The following SPRED2 variants were observed in gnomAD, a reference collection of about 807,000 sequenced individuals.
SPRED2 encodes the protein sprouty-related, EVH1 domain-containing protein 2.
A neutral mutation model predicts 43.0 loss-of-function variants in SPRED2; 47 were observed. That is an observed-to-expected ratio of 1.09 (90% CI 0.87 to 1.40). SPRED2 has a LOEUF of 1.40. Ranked by LOEUF, SPRED2 falls within the 40% of genes most tolerant of loss-of-function variation. The pLI is 0.00. For missense variants in SPRED2, 561 were observed against 586.4 expected (o/e 0.96, Z 0.45); for synonymous variants, 225 against 225.7 (o/e 1.00, Z 0.03).
chr2:65,369,086 T>A (rs1399710123), intron 1 of SPRED2, among the ~76,000 whole-genome samples: 1 of 148,432 alleles, frequency 6.7e-6, no homozygotes, highest in Non-Finnish European at 1.5e-5. Context: ...CAAAAAAAAA[T>A]GATTTTTTAA....
chr2:65,380,070 T>G (rs891843661), intron 1 of SPRED2, among the ~76,000 whole-genome samples: 2 of 152,174 alleles, frequency 1.3e-5, no homozygotes, highest in African/African-American at 4.8e-5. Context: ...CTGAGGGTCC[T>G]TCCCTTGACC....
intron 1 of SPRED2, among the ~76,000 whole-genome samples, chr2:65,395,756 G>A (rs1048212736): frequency 2.0e-5 from 3 of 152,160 alleles, no homozygotes; most frequent in Non-Finnish European, 4.4e-5. Flanking sequence ...CCAGCACACA[G>A]TAATGAACTC....
intron 4 of SPRED2, among the ~76,000 whole-genome samples, chr2:65,331,274 G>A (rs1673804128): frequency 6.6e-6 from 1 of 152,112 alleles, no homozygotes; most frequent in African/African-American, 2.4e-5. Context: ...TAAATAAAAA[G>A]GAAAGAAAGA....
chr2:65,383,468 T>C (rs188864487), intron 1 of SPRED2, among the ~76,000 whole-genome samples: 55 of 152,334 alleles, frequency 3.6e-4, no homozygotes, highest in African/African-American at 1.3e-3. Context: ...TATCCTCAGA[T>C]AGGGCCCTCT....
intron 1 of SPRED2, among the ~76,000 whole-genome samples, chr2:65,430,856 G>A (rs1020471495): frequency 3.5e-5 from 5 of 142,424 alleles, no homozygotes; most frequent in African/African-American, 1.2e-4. Flanking sequence ...AAAGGAGCGC[G>A]TCTTATTCAC....
chr2:65,325,033 T>G (rs1330649197), intron 4 of SPRED2, among the ~76,000 whole-genome samples: 2 of 152,206 alleles, frequency 1.3e-5, no homozygotes, highest in East Asian at 3.8e-4. Context: ...ACACTTGGAA[T>G]TATTATCAAG....
intron 1 of SPRED2, among the ~76,000 whole-genome samples, chr2:65,412,465 G>C (rs2103767654): frequency 6.6e-6 from 1 of 152,246 alleles, no homozygotes; most frequent in East Asian, 1.9e-4. Context: ...GCTGCACTCT[G>C]GCCCATTTCC....
At chr2:65,341,486 T>C (rs150434059) in intron 2 of SPRED2, among the ~76,000 whole-genome samples, 1 of 152,234 alleles carries the variant, frequency 6.6e-6, no homozygotes, top group Non-Finnish European at 1.5e-5. Context: ...CCTAATATTA[T>C]GCCAAGTTAG....
At position 65,311,252 on chromosome 2, in the gene SPRED2, C is replaced by G; in HGVS notation, c.*2249G>C. On this transcript the variant is annotated 3_prime_UTR_variant, in exon 6 of 6. Coordinates refer to ENST00000356388, the MANE Select transcript of SPRED2 (RefSeq NM_181784.3). ...TACACACTGTTCAGCTGCAGTGTGG[C>G]AATTAGAGACGTATTTACATAAATG... 1.0e-6 allele frequency: 1 copy of G among 985,834 alleles called. No individual in the cohort carries two copies. The highest frequency in any genetic ancestry group is 1.2e-6 in the Non-Finnish European group (1 of 829,930). The allele number at this position is 985,834 out of a possible 1,614,324, so 61.1% of individuals were successfully genotyped here. A position where few individuals can be genotyped will look rare whatever the true frequency, so the allele number is the denominator to read the frequency against.
chr2:65,419,314 C>T (rs1676363960), intron 1 of SPRED2, among the ~76,000 whole-genome samples: 1 of 152,154 alleles, frequency 6.6e-6, no homozygotes, highest in Non-Finnish European at 1.5e-5. Flanking sequence ...AAACTTTATA[C>T]ATAGTCTGTA....
At chr2:65,380,478 A>T (rs1243339158) in intron 1 of SPRED2, 1 of 152,196 alleles carries the variant, frequency 6.6e-6, no homozygotes, top group African/African-American at 2.4e-5. Context: ...TCAATCATGA[A>T]TGAGTCAGCC....
intron 5 of SPRED2, among the ~76,000 whole-genome samples, chr2:65,314,540 C>T (rs1389569214): frequency 6.6e-6 from 1 of 152,158 alleles, no homozygotes; most frequent in Admixed American, 6.5e-5. Flanking sequence ...CAGAACAGGA[C>T]CTGTGCCCCA....
rs1676704840 is a variant in SPRED2 at position 65,431,884 on chromosome 2, TCC to T, written c.26+76_26+77del. On this transcript the variant is annotated intron_variant, in intron 1 of 5. Transcript: ENST00000356388. ...CCACGCCAAGTTCACCCAATAAGCG[TCC>T]CCGCCCGCATCCTCAGCCCCGGCCC... The T allele has an allele frequency of 2.6e-6, 4 of 1,554,758 alleles. No homozygotes were observed. In the South Asian group the frequency reaches 4.4e-5, roughly 17 times the overall value.
chr2:65,421,263 T>G (rs1383451731), intron 1 of SPRED2, among the ~76,000 whole-genome samples: 1 of 152,226 alleles, frequency 6.6e-6, no homozygotes, highest in African/African-American at 2.4e-5. Flanking sequence ...ATGATACCTC[T>G]CAGTGTATGA....
At chr2:65,403,826 G>C (rs1675960568) in intron 1 of SPRED2, among the ~76,000 whole-genome samples, 1 of 152,156 alleles carries the variant, frequency 6.6e-6, no homozygotes, top group South Asian at 2.1e-4. Context: ...TGCCTGTTCT[G>C]AGCCATAATT....
chr2:65,334,043 C>T, intron 3 of SPRED2: 1 of 349,242 alleles, frequency 2.9e-6, no homozygotes, highest in Non-Finnish European at 5.7e-6. Flanking sequence ...GTCAAGCCCA[C>T]CATGAGAACT....
At chr2:65,335,284 G>GT (rs1673931919) in intron 2 of SPRED2, among the ~76,000 whole-genome samples, 1 of 151,890 alleles carries the variant, frequency 6.6e-6, no homozygotes, top group South Asian at 2.1e-4. Context: ...CCTATCTCCT[G>GT]TATTATTAAT....
In SPRED2 at chr2:65,392,175, CTTTTTTT is replaced by C. The variant is rs70943649; in HGVS notation, c.26+39780_26+39786del. On this transcript the variant is annotated intron_variant, in intron 1 of 5. Coordinates refer to ENST00000356388, the MANE Select transcript of SPRED2 (RefSeq NM_181784.3). Reference sequence around the variant, plus strand: ...TCCTCTGTCATTTCTTCCAGAATTTCTTTTTTTTTTTTTTTTTTTTTGGAGACAGGGT... The same window carrying C: ...TCCTCTGTCATTTCTTCCAGAATTTCTTTTTTTTTTTTTTGGAGACAGGGT... Among the ~76,000 whole-genome samples, 24 of 98,726 alleles carry C rather than the reference CTTTTTTT, an allele frequency of 2.4e-4. No individual in the cohort carries two copies. The South Asian group carries it at 6.5e-3, about 27-fold the overall frequency. The allele number at this position is 98,726 out of a possible 152,430, so 64.8% of individuals were successfully genotyped here. A position where few individuals can be genotyped will look rare whatever the true frequency, so the allele number is the denominator to read the frequency against.
chr2:65,383,116 T>C (rs941469656), intron 1 of SPRED2, among the ~76,000 whole-genome samples: 2 of 152,184 alleles, frequency 1.3e-5, no homozygotes, highest in African/African-American at 4.8e-5. Context: ...ACCACCGGCA[T>C]GCTAGCTTGG....
Sources: allele counts gnomAD v4.1 joint callset (sites outside exome capture counted in the v4.1 genomes callset), GRCh38; gene constraint gnomAD v4.1.1; transcripts MANE v1.5; gene names NCBI Gene and HGNC (gene_info 2026-07-23, HGNC 2026-07-21).